SLCO4C1: variants seen among roughly 807,000 people sequenced by gnomAD.
SLCO4C1 encodes the protein solute carrier organic anion transporter family member 4C1.
SLCO4C1 carries 58 observed loss-of-function variants against 72.1 expected under a neutral mutation model. The ratio of observed to expected loss-of-function variants is 0.80; its 90% CI spans 0.65 to 1.00. SLCO4C1 has a LOEUF of 1.00. Ranked by LOEUF, SLCO4C1 falls within the 50% of genes least tolerant of loss-of-function variation. The pLI, the probability that SLCO4C1 is intolerant of heterozygous loss-of-function variation, is 0.00. For synonymous variants in SLCO4C1, 297 were observed against 312.5 expected, an observed-to-expected ratio of 0.95 and a Z score of 0.52; for missense variants, 898 against 857.9, an observed-to-expected ratio of 1.05 and a Z score of -0.58.
intron 8 of SLCO4C1, among the ~76,000 whole-genome samples, chr5:102,251,681 A>G (rs1748742172): frequency 6.6e-6 from 1 of 152,188 alleles, no homozygotes; most frequent in Admixed American, 6.5e-5. Context: ...ATGGTATTGT[A>G]AGTAATAAGA....
intron 8 of SLCO4C1, among the ~76,000 whole-genome samples, chr5:102,252,091 A>C (rs1351657890): frequency 6.8e-6 from 1 of 148,140 alleles, no homozygotes; most frequent in African/African-American, 2.6e-5. Context: ...GAAGGGAAGA[A>C]GGGAGGAAGG....
At chr5:102,281,668 CA>C (rs1198940773) in intron 2 of SLCO4C1, among the ~76,000 whole-genome samples, 2 of 151,980 alleles carry the variant, frequency 1.3e-5, no homozygotes, top group African/African-American at 4.8e-5. Context: ...TTCACACAAG[CA>C]AAGATGCTCA....
intron 3 of SLCO4C1, 36 bp from the exon 4 acceptor site, chr5:102,263,816 T>C (rs766083321): frequency 6.7e-7 from 1 of 1,501,912 alleles, no homozygotes; most frequent in East Asian, 2.3e-5. Context: ...TACAGTCATA[T>C]GTACAACTTC....
intron 2 of SLCO4C1, 108 bp downstream of exon 2, chr5:102,291,235 G>A: frequency 2.6e-6 from 3 of 1,153,856 alleles, no homozygotes; most frequent in Non-Finnish European, 3.7e-6. Flanking sequence ...GTGTGGAAGA[G>A]ATGTAAACCC....
At chr5:102,272,331 G>C (rs1197938883) in intron 2 of SLCO4C1, among the ~76,000 whole-genome samples, 1 of 151,988 alleles carries the variant, frequency 6.6e-6, no homozygotes, top group Non-Finnish European at 1.5e-5. Context: ...AGGTTTAAAG[G>C]CATCAATATG....
At chr5:102,250,621 A>G (rs1296004862) in intron 8 of SLCO4C1, among the ~76,000 whole-genome samples, 1 of 152,194 alleles carries the variant, frequency 6.6e-6, no homozygotes, top group Admixed American at 6.5e-5. Context: ...AGAAGCACCA[A>G]GGAAGGACAC....
At chr5:102,284,716 A>G (rs1482240410) in intron 2 of SLCO4C1, among the ~76,000 whole-genome samples, 3 of 152,146 alleles carry the variant, frequency 2.0e-5, no homozygotes, top group African/African-American at 4.8e-5. Context: ...CTCTGCAGAT[A>G]GTACTTTCAG....
chr5:102,259,628 A>G lies in SLCO4C1; in HGVS notation c.1128+585T>C, dbSNP rs1470838250. Among the ~76,000 whole-genome samples, 6 of 152,256 alleles carry G rather than the reference A, an allele frequency of 3.9e-5. 1 individual carries two copies. The East Asian group carries it at 1.2e-3, about 29-fold the overall frequency. On this transcript the variant is annotated intron_variant, in intron 6 of 12. Coordinates refer to ENST00000310954, the MANE Select transcript of SLCO4C1 (RefSeq NM_180991.5). ...TTTTATAACACTAAATAGAAAGAAT[A>G]CTTTTCTGCTGAGTACAACTTAATG...
At chr5:102,269,045 T>C (rs1224326706) in intron 3 of SLCO4C1, among the ~76,000 whole-genome samples, 2 of 151,986 alleles carry the variant, frequency 1.3e-5, no homozygotes, top group African/African-American at 4.8e-5. Context: ...ATCTTTCTAA[T>C]GGGAATTCCT....
chr5:102,251,661 A>C (rs1009660621), intron 8 of SLCO4C1, among the ~76,000 whole-genome samples: 1 of 152,190 alleles, frequency 6.6e-6, no homozygotes, highest in African/African-American at 2.4e-5. Context: ...ACAGGAGAAC[A>C]ATGATGAGTA....
At chr5:102,249,866 T>C in intron 8 of SLCO4C1, 78 bp from the exon 9 acceptor site, 1 of 1,388,020 alleles carries the variant, frequency 7.2e-7, no homozygotes, top group South Asian at 1.3e-5. Flanking sequence ...TGTTATATCT[T>C]ACCATTAGGT....
chr5:102,264,156 C>G (rs537028010), intron 3 of SLCO4C1, among the ~76,000 whole-genome samples: 3 of 152,192 alleles, frequency 2.0e-5, no homozygotes, highest in African/African-American at 7.2e-5. Context: ...GTCTTTTCTA[C>G]TCTGCACAAC....
intron 8 of SLCO4C1, among the ~76,000 whole-genome samples, chr5:102,256,521 T>G (rs1748837019): frequency 6.6e-6 from 1 of 152,124 alleles, no homozygotes; most frequent in African/African-American, 2.4e-5. Flanking sequence ...ACCACCTACT[T>G]ATGGCTTAAA....
intron 3 of SLCO4C1, 68 bp downstream of exon 3, chr5:102,270,556 A>T: frequency 7.3e-7 from 1 of 1,367,268 alleles, no homozygotes; most frequent in Non-Finnish European, 9.7e-7. Context: ...CCTATGTTAT[A>T]CTTTACTTCT....
At chr5:102,237,879 CTTTGA>C (rs538069393) in intron 12 of SLCO4C1, among the ~76,000 whole-genome samples, 92 of 152,262 alleles carry the variant, frequency 6.0e-4, no homozygotes, top group South Asian at 2.3e-3. Context: ...ACTTCACAAA[CTTTGA>C]TTTATTTCCA....
At chr5:102,275,751 C>T (rs1318255945) in intron 2 of SLCO4C1, among the ~76,000 whole-genome samples, 2 of 152,180 alleles carry the variant, frequency 1.3e-5, no homozygotes, top group South Asian at 2.1e-4. Flanking sequence ...GGAATAATCA[C>T]TTATTTATAT....
chr5:102,268,391 T>C (rs1028939983), intron 3 of SLCO4C1, among the ~76,000 whole-genome samples: 1 of 152,174 alleles, frequency 6.6e-6, no homozygotes, highest in African/African-American at 2.4e-5. Context: ...TGACTTAGAC[T>C]ATTTTGTCTA....
chr5:102,241,044 G>T (rs1380757400), intron 10 of SLCO4C1, among the ~76,000 whole-genome samples: 2 of 151,818 alleles, frequency 1.3e-5, no homozygotes, highest in Non-Finnish European at 2.9e-5. Flanking sequence ...AAAGAGAAAG[G>T]GTATTCATTA....
At chr5:102,265,619 T>C (rs1210657619) in intron 3 of SLCO4C1, among the ~76,000 whole-genome samples, 1 of 152,164 alleles carries the variant, frequency 6.6e-6, no homozygotes, top group Non-Finnish European at 1.5e-5. Flanking sequence ...CAGTTGGCCA[T>C]AAATACATAG....
Sources: gnomAD v4.1 joint callset for allele counts (sites outside exome capture counted in the v4.1 genomes callset) on GRCh38, gnomAD v4.1.1 for gene constraint, MANE v1.5 for transcripts, NCBI Gene and HGNC (gene_info 2026-07-23, HGNC 2026-07-21) for gene names.